Variants in CILK1 observed in about 807,000 individuals in gnomAD.
CILK1 encodes the protein serine/threonine-protein kinase ICK.
Under a neutral mutation model 79.2 loss-of-function variants are expected in CILK1, and 47 were observed. That is an observed-to-expected ratio of 0.59 (90% CI 0.47 to 0.76). The LOEUF is 0.76. CILK1 is among the 30% of genes least tolerant of loss of function. The pLI, the probability that CILK1 is intolerant of heterozygous loss-of-function variation, is 0.00. For synonymous variants in CILK1, 266 were observed against 275.9 expected (o/e 0.96, Z 0.36); for missense variants, 660 against 769.5 (o/e 0.86, Z 1.68).
intron 8 of CILK1, among the ~76,000 whole-genome samples, chr6:53,015,584 A>G (rs1348108694): frequency 6.6e-6 from 1 of 152,266 alleles, no homozygotes; most frequent in African/African-American, 2.4e-5. Context: ...ATTAAAAATC[A>G]TATAAAATAT....
chr6:53,014,985 T>C (rs919737637), intron 8 of CILK1, among the ~76,000 whole-genome samples: 5 of 152,244 alleles, frequency 3.3e-5, no homozygotes, highest in African/African-American at 1.2e-4. Flanking sequence ...ACTGCATTCC[T>C]GAGAGCTTTC....
intron 12 of CILK1, among the ~76,000 whole-genome samples, chr6:53,008,820 C>T (rs1043641285): frequency 2.0e-5 from 3 of 152,126 alleles, no homozygotes; most frequent in Non-Finnish European, 2.9e-5. Flanking sequence ...TAAACAAACA[C>T]CTAATGGATG....
chr6:53,034,119 C>T (rs771002894), intron 3 of CILK1, among the ~76,000 whole-genome samples: 1 of 152,222 alleles, frequency 6.6e-6, no homozygotes, highest in Non-Finnish European at 1.5e-5. Context: ...TTGCTTAAAA[C>T]GCATCACAAG....
At chr6:53,011,539 C>T in intron 11 of CILK1, among the ~76,000 whole-genome samples, 1 of 152,084 alleles carries the variant, frequency 6.6e-6, no homozygotes, top group East Asian at 1.9e-4. Context: ...GTGGAGGCTA[C>T]AGTGAGCCAA....
chr6:53,009,122 G>A (rs2127403759), intron 12 of CILK1, among the ~76,000 whole-genome samples: 1 of 152,342 alleles, frequency 6.6e-6, no homozygotes, highest in Middle Eastern at 3.4e-3. Flanking sequence ...TCAAGAGGAG[G>A]GTGCCTGCTG....
chr6:53,011,708 G>T (rs1764580021), intron 11 of CILK1, 61 bp downstream of exon 11: 3 of 1,494,718 alleles, frequency 2.0e-6, no homozygotes, highest in Non-Finnish European at 2.8e-6. Context: ...TTGTGAATAT[G>T]TGATTCCAAG....
In CILK1 at chr6:53,002,948, C is replaced by T. The variant is rs907635888; in HGVS notation, c.*2201G>A. The T allele has an allele frequency of 6.6e-6, 1 of 152,578 alleles. No homozygotes were observed. Among genetic ancestry groups the T allele is most frequent in the African/African-American group, 2.4e-5 (1 of 41,446 alleles). 9.5% of individuals were successfully genotyped at this position (152,578 alleles called of 1,614,324 possible). A position where few individuals can be genotyped will look rare whatever the true frequency, so the allele number is the denominator to read the frequency against. ...CATTTGCTCCTCTAAGGAATATTTA[C>T]AATTTAAAACCTGCTTTCCAGCAAG... On this transcript the variant is annotated 3_prime_UTR_variant, in exon 14 of 14. Transcript: ENST00000676107.
rs1768272857 is a variant in CILK1 at position 53,059,862 on chromosome 6, TCTCATTCA to T, written c.-173+1726_-173+1733del. Among the ~76,000 whole-genome samples the T allele has an allele frequency of 5.9e-5, 9 of 152,068 alleles. No individual in the cohort carries two copies. In the South Asian group the frequency reaches 1.9e-3, roughly 31 times the overall value. ...ACACTGAAAAGACCAGAGGGATGCTTCTCATTCATTCATTCATTCAGCAACCATTTAAT... is the reference window on the plus strand; with the variant it reads ...ACACTGAAAAGACCAGAGGGATGCTTTTCATTCATTCAGCAACCATTTAAT... On this transcript the variant is annotated intron_variant, in intron 1 of 13. Transcript: ENST00000676107.
At chr6:53,056,456 G>T (rs1767879091) in intron 1 of CILK1, among the ~76,000 whole-genome samples, 1 of 152,168 alleles carries the variant, frequency 6.6e-6, no homozygotes, top group South Asian at 2.1e-4. Context: ...GGGCATGGCT[G>T]TGTTCCAGTA....
intron 1 of CILK1, among the ~76,000 whole-genome samples, chr6:53,047,208 T>C (rs1199081220): frequency 6.6e-6 from 1 of 152,134 alleles, no homozygotes; most frequent in South Asian, 2.1e-4. Flanking sequence ...ACCAATTCAA[T>C]GGAGGGCGAT....
At chr6:53,019,178 T>C (rs1457671203) in intron 6 of CILK1, 49 bp downstream of exon 6, 5 of 1,542,374 alleles carry the variant, frequency 3.2e-6, no homozygotes, top group Non-Finnish European at 3.6e-6. Flanking sequence ...CATAATGATA[T>C]CTTTTTAAAG....
In CILK1 at chr6:53,002,881, C is replaced by T. The variant is rs1764008910; in HGVS notation, c.*2268G>A. 6.6e-6 allele frequency: 1 copy of T among 152,346 alleles called. No individual in the cohort carries two copies. Among genetic ancestry groups the T allele is most frequent in the Admixed American group, 6.6e-5 (1 of 15,266 alleles). The allele number at this position is 152,346 out of a possible 1,614,324, so 9.4% of individuals were successfully genotyped here. ...TTTTTCAGTTAAAAAATGTAATGAC[C>T]TTATATAAGCTAGATTACTGAGACT... On this transcript the variant is annotated 3_prime_UTR_variant, in exon 14 of 14. Transcript: ENST00000676107.
intron 7 of CILK1, 63 bp downstream of exon 7, chr6:53,018,267 T>C: frequency 6.7e-7 from 1 of 1,503,090 alleles, no homozygotes; most frequent in South Asian, 1.1e-5. Flanking sequence ...TGAACAGGGC[T>C]GAGCGGAGGA....
Position 53,036,608 on chromosome 6 carries a change from C to T in CILK1, c.156+1331G>A, listed in dbSNP as rs182447407. On this transcript the variant is annotated intron_variant, in intron 3 of 13. Transcript: ENST00000676107. ...TTTTTGTATTTTTAGTAGAGAAGGG[C>T]TTTCACCATGTTGGCCAGGCTGGTC... 8.6e-5 allele frequency among the ~76,000 whole-genome samples: 13 copies of T among 152,038 alleles called. No homozygotes were observed. The East Asian group carries it at 2.1e-3, about 25-fold the overall frequency.
Position 53,016,260 on chromosome 6 carries a change from G to C in CILK1, c.664-10C>G, listed in dbSNP as rs1339034732. On this transcript the variant is annotated splice_polypyrimidine_tract_variant and intron_variant, in intron 7 of 13. Transcript: ENST00000676107. ...CTTCAGGCCAGTCAGTCTGAAAGAA[G>C]GAAAAGATAGAAAATCTTGCTCAGC... 1.2e-6 allele frequency: 2 copies of C among 1,613,888 alleles called. No individual in the cohort carries two copies. Among genetic ancestry groups the C allele is most frequent in the East Asian group, 4.5e-5 (2 of 44,870 alleles).
chr6:53,060,620 T>C (rs902336961), intron 1 of CILK1, among the ~76,000 whole-genome samples: 1 of 152,232 alleles, frequency 6.6e-6, no homozygotes, highest in Non-Finnish European at 1.5e-5. Context: ...AAAGAGTCTT[T>C]ACCAAATTGT....
rs1764137832 is a variant in CILK1, at chr6:53,005,067, C to CATCTT, written c.*77_*81dup. ...TTGATTTGCTTTTATGCCCTCTGCA[C>CATCTT]ATCTTGCAGGTAGAACACCAGTCAG... On this transcript the variant is annotated 3_prime_UTR_variant, in exon 14 of 14. Coordinates refer to ENST00000676107, the MANE Select transcript of CILK1 (RefSeq NM_014920.5). The CATCTT allele has an allele frequency of 6.1e-6, 9 of 1,486,188 alleles. No homozygotes were observed. The highest frequency in any genetic ancestry group is 8.4e-6 in the Non-Finnish European group (9 of 1,067,870). 92.1% of individuals were successfully genotyped at this position (1,486,188 alleles called of 1,614,324 possible).
At chr6:53,008,362 T>A (rs1179699362) in intron 12 of CILK1, among the ~76,000 whole-genome samples, 1 of 149,856 alleles carries the variant, frequency 6.7e-6, no homozygotes, top group Admixed American at 6.7e-5. Context: ...TGGGGGGAGG[T>A]AAGGGGAAGC....
At chr6:53,039,296 G>A (rs1766554779) in intron 2 of CILK1, among the ~76,000 whole-genome samples, 1 of 152,170 alleles carries the variant, frequency 6.6e-6, no homozygotes, top group African/African-American at 2.4e-5. Flanking sequence ...GAACCTGACG[G>A]GAGCAGTGGC....
Sources: gnomAD v4.1 joint callset for allele counts (sites outside exome capture counted in the v4.1 genomes callset) on GRCh38, gnomAD v4.1.1 for gene constraint, MANE v1.5 for transcripts, NCBI Gene and HGNC (gene_info 2026-07-23, HGNC 2026-07-21) for gene names.